The following DDX4 variants were observed in gnomAD, a reference collection of about 807,000 sequenced individuals.
The protein encoded by DDX4 is probable ATP-dependent RNA helicase DDX4.
DDX4 carries 25 observed loss-of-function variants against 100.0 expected under a neutral mutation model. The observed-to-expected ratio is 0.25, with a 90% CI of 0.18 to 0.35. The LOEUF is 0.35. Among genes scored for constraint, DDX4 ranks in the 10% least tolerant of loss-of-function variants. DDX4 has a pLI of 1.00. For synonymous variants in DDX4, 259 were observed against 275.7 expected, an observed-to-expected ratio of 0.94 and a Z score of 0.60; for missense variants, 635 against 882.4, an observed-to-expected ratio of 0.72 and a Z score of 3.55.
chr5:55,768,340 TTC>T (rs1379612320), intron 7 of DDX4, among the ~76,000 whole-genome samples: 1 of 152,172 alleles, frequency 6.6e-6, no homozygotes. Flanking sequence ...TGTCCATGTG[TTC>T]TCAGTGTTTA....
At chr5:55,775,097 A>C (rs749907922) in intron 7 of DDX4, among the ~76,000 whole-genome samples, 1 of 152,188 alleles carries the variant, frequency 6.6e-6, no homozygotes, top group Non-Finnish European at 1.5e-5. Context: ...TAGGTATTTC[A>C]TACAAGTGGA....
At chr5:55,745,065 A>C (rs991672175) in intron 2 of DDX4, among the ~76,000 whole-genome samples, 3 of 151,988 alleles carry the variant, frequency 2.0e-5, no homozygotes, top group Non-Finnish European at 4.4e-5. Context: ...TTTTTAGTAG[A>C]GATGGGGTTT....
chr5:55,792,814 T>C lies in DDX4; in HGVS notation c.1469+7T>C. 1 of 1,378,346 alleles carries C rather than the reference T, an allele frequency of 7.3e-7. No individual in the cohort carries two copies. Among genetic ancestry groups the C allele is most frequent in the South Asian group, 2.2e-5 (1 of 45,452 alleles). 85.4% of individuals were successfully genotyped at this position (1,378,346 alleles called of 1,614,324 possible). ...TTCCAGAGGAAATTCAAAGGTTAAGTTTTTTTCTTAAAAATAATTTAATTA... is the reference window on the plus strand; with the variant it reads ...TTCCAGAGGAAATTCAAAGGTTAAGCTTTTTTCTTAAAAATAATTTAATTA... On this transcript the variant is annotated splice_region_variant and intron_variant, in intron 17 of 21. Transcript: ENST00000505374.
intron 2 of DDX4, among the ~76,000 whole-genome samples, chr5:55,739,928 A>C (rs928361808): frequency 2.0e-5 from 3 of 152,080 alleles, no homozygotes; most frequent in African/African-American, 7.2e-5. Flanking sequence ...TTTTGTAGAG[A>C]TGAAGTCTCA....
intron 7 of DDX4, among the ~76,000 whole-genome samples, chr5:55,777,226 TA>T (rs1741618911): frequency 6.6e-6 from 1 of 152,136 alleles, no homozygotes; most frequent in Non-Finnish European, 1.5e-5. Context: ...AAAAACTCTG[TA>T]AAGAGAAAAC....
intron 18 of DDX4, among the ~76,000 whole-genome samples, chr5:55,803,889 G>A (rs1386483756): frequency 6.6e-6 from 1 of 152,160 alleles, no homozygotes; most frequent in Admixed American, 6.5e-5. Context: ...CTAGATCCCT[G>A]AGGAATCGCC....
intron 6 of DDX4, 56 bp downstream of exon 6, chr5:55,764,120 A>G (rs746199308): frequency 1.5e-5 from 19 of 1,264,980 alleles, no homozygotes; most frequent in Non-Finnish European, 1.7e-5. Context: ...ATGCTAAAAA[A>G]GAGAAATTAA....
intron 18 of DDX4, among the ~76,000 whole-genome samples, chr5:55,807,646 T>C (rs1179682188): frequency 1.3e-5 from 2 of 152,224 alleles, no homozygotes; most frequent in Non-Finnish European, 2.9e-5. Flanking sequence ...TGTTGAATAT[T>C]GGCCCCCACT....
At chr5:55,775,559 G>A (rs1168102006) in intron 7 of DDX4, among the ~76,000 whole-genome samples, 1 of 151,778 alleles carries the variant, frequency 6.6e-6, no homozygotes, top group African/African-American at 2.4e-5. Flanking sequence ...TTCCTTACTT[G>A]GCCATTTTTG....
chr5:55,815,876 A>G (rs563445548), intron 21 of DDX4, among the ~76,000 whole-genome samples: 2 of 149,348 alleles, frequency 1.3e-5, no homozygotes, highest in Non-Finnish European at 3.0e-5. Flanking sequence ...GGTTCAAACA[A>G]TTCTCATGCC....
intron 3 of DDX4, among the ~76,000 whole-genome samples, chr5:55,747,045 G>A (rs905719244): frequency 6.6e-6 from 1 of 152,064 alleles, no homozygotes; most frequent in African/African-American, 2.4e-5. Context: ...ATCATTTGAG[G>A]TCATTCGAGA....
chr5:55,740,572 C>T (rs1758921166), intron 2 of DDX4, among the ~76,000 whole-genome samples: 1 of 150,144 alleles, frequency 6.7e-6, no homozygotes, highest in South Asian at 2.1e-4. Context: ...GTGGTGCAGT[C>T]TCAGCTCACT....
At chr5:55,748,346 G>A (rs1215695967) in intron 3 of DDX4, among the ~76,000 whole-genome samples, 1 of 152,136 alleles carries the variant, frequency 6.6e-6, no homozygotes, top group Admixed American at 6.5e-5. Flanking sequence ...CGATTGCTGT[G>A]TAATCAGGAG....
In DDX4 at chr5:55,787,826, C is replaced by A; in HGVS notation, c.1018-20C>A. On this transcript the variant is annotated intron_variant, in intron 14 of 21. Coordinates refer to ENST00000505374, the MANE Select transcript of DDX4 (RefSeq NM_024415.3). The stretch of plus-strand genomic sequence containing the variant: ...AAGTGTTGTGCTATAAGTTTGTAAA[C>A]TAAGCAACTTAACTTCTAGGCGGCT... 6.2e-7 allele frequency: 1 copy of A among 1,609,550 alleles called. No homozygotes were observed. The highest frequency in any genetic ancestry group is 1.3e-5 in the African/African-American group (1 of 74,790).
chr5:55,742,123 G>C (rs949497381), intron 2 of DDX4: 1 of 455,878 alleles, frequency 2.2e-6, no homozygotes. Context: ...CCTGGGAATA[G>C]AACAGCGAAA....
At chr5:55,815,950 T>C (rs1744392348) in intron 21 of DDX4, among the ~76,000 whole-genome samples, 1 of 148,762 alleles carries the variant, frequency 6.7e-6, no homozygotes, top group African/African-American at 2.5e-5. Context: ...TTTTTTTTTT[T>C]TTTTTTTGTA....
chr5:55,815,526 G>T, intron 21 of DDX4, 103 bp downstream of exon 21: 1 of 1,377,926 alleles, frequency 7.3e-7, no homozygotes, highest in Non-Finnish European at 9.4e-7. Flanking sequence ...TCAAGCCATT[G>T]TTTTCGTGCC....
chr5:55,809,922 ACT>A (rs1744015535), intron 18 of DDX4, among the ~76,000 whole-genome samples: 1 of 152,128 alleles, frequency 6.6e-6, no homozygotes. Context: ...ATATAGGGAA[ACT>A]CTATAGAATT....
At chr5:55,770,492 A>G (rs1375480280) in intron 7 of DDX4, among the ~76,000 whole-genome samples, 1 of 152,336 alleles carries the variant, frequency 6.6e-6, no homozygotes, top group East Asian at 1.9e-4. Context: ...TAAAATAGCA[A>G]TGACAACAAA....
Sources: gnomAD v4.1 joint callset for allele counts (sites outside exome capture counted in the v4.1 genomes callset) on GRCh38, gnomAD v4.1.1 for gene constraint, MANE v1.5 for transcripts, NCBI Gene and HGNC (gene_info 2026-07-23, HGNC 2026-07-21) for gene names.